SLC27A6: variants seen among roughly 807,000 people sequenced by gnomAD.
SLC27A6 encodes long-chain fatty acid transport protein 6.
In SLC27A6, 74 loss-of-function variants were observed where a neutral mutation model predicts 63.9. The observed-to-expected ratio is 1.16, with a 90% CI of 0.96 to 1.40. The LOEUF is 1.40. Among genes scored for constraint, SLC27A6 ranks in the 40% most tolerant of loss-of-function variants. SLC27A6 has a pLI of 0.00. For synonymous variants in SLC27A6, 287 were observed against 260.8 expected, an observed-to-expected ratio of 1.10 and a Z score of -0.97; for missense variants, 794 against 732.9, an observed-to-expected ratio of 1.08 and a Z score of -0.96.
chr5:128,988,821 T>C, intron 3 of SLC27A6, 63 bp downstream of exon 3: 1 of 1,324,864 alleles, frequency 7.5e-7, no homozygotes, highest in South Asian at 1.4e-5. Context: ...CAAGTATTTA[T>C]TAACATTTGA....
At chr5:128,999,476 G>C (rs1308971586) in intron 4 of SLC27A6, among the ~76,000 whole-genome samples, 1 of 152,032 alleles carries the variant, frequency 6.6e-6, no homozygotes, top group Non-Finnish European at 1.5e-5. Context: ...GCTCCTGGTT[G>C]CAAATACCGT....
In SLC27A6 at chr5:128,965,892, T is replaced by C. The variant is rs1749865570; in HGVS notation, c.-246T>C. On this transcript the variant is annotated 5_prime_UTR_variant, in exon 1 of 10. Transcript: ENST00000262462. ...CTCGCAGGAGTCGGAGGCTCCCTGC[T>C]TTCCAGCCGCCCAGTGACCCAAGCT... 5.1e-6 allele frequency: 2 copies of C among 389,306 alleles called. No homozygotes were observed. The allele number at this position is 389,306 out of a possible 1,614,324, so 24.1% of individuals were successfully genotyped here. A position where few individuals can be genotyped will look rare whatever the true frequency, so the allele number is the denominator to read the frequency against.
intron 6 of SLC27A6, among the ~76,000 whole-genome samples, chr5:129,025,046 C>A (rs1414324352): frequency 6.6e-6 from 1 of 152,138 alleles, no homozygotes; most frequent in Non-Finnish European, 1.5e-5. Context: ...TTCTACTGTT[C>A]TATTTCTTAC....
In SLC27A6 at chr5:128,966,058, C is replaced by G. The variant is rs1195333669; in HGVS notation, c.-80C>G. 5.4e-6 allele frequency: 8 copies of G among 1,488,852 alleles called. No individual in the cohort carries two copies. The highest frequency in any genetic ancestry group is 7.2e-6 in the Non-Finnish European group (8 of 1,118,174). The allele number at this position is 1,488,852 out of a possible 1,614,324, so 92.2% of individuals were successfully genotyped here. A position where few individuals can be genotyped will look rare whatever the true frequency, so the allele number is the denominator to read the frequency against. On this transcript the variant is annotated 5_prime_UTR_variant, in exon 1 of 10. Coordinates refer to ENST00000262462, the MANE Select transcript of SLC27A6 (RefSeq NM_001017372.3). ...GCCCTGAGTAGTGAGGATCTGCGGTCTCCGTGGAGAGCTGTGCCTGGAAGA... is the reference window on the plus strand; with the variant it reads ...GCCCTGAGTAGTGAGGATCTGCGGTGTCCGTGGAGAGCTGTGCCTGGAAGA...
At chr5:129,022,854 T>C (rs1752120609) in intron 5 of SLC27A6, among the ~76,000 whole-genome samples, 1 of 151,918 alleles carries the variant, frequency 6.6e-6, no homozygotes. Context: ...TAGGAGGAGG[T>C]TGGACTAAAC....
chr5:128,975,906 C>G (rs1294893020), intron 1 of SLC27A6, among the ~76,000 whole-genome samples: 1 of 151,952 alleles, frequency 6.6e-6, no homozygotes, highest in East Asian at 1.9e-4. Flanking sequence ...AAGAAGAAAC[C>G]ACGCATTATC....
chr5:128,966,660 C>G, intron 1 of SLC27A6, 42 bp downstream of exon 1: 2 of 1,421,148 alleles, frequency 1.4e-6, no homozygotes, highest in Non-Finnish European at 1.8e-6. Flanking sequence ...AATGGCAGCC[C>G]ACCTGCTTTC....
chr5:128,994,931 C>T (rs1301128043), intron 4 of SLC27A6, among the ~76,000 whole-genome samples: 1 of 152,144 alleles, frequency 6.6e-6, no homozygotes, highest in African/African-American at 2.4e-5. Context: ...TTGGCATAAA[C>T]GTTAGATGTA....
chr5:129,009,154 C>G (rs1044983819), intron 4 of SLC27A6, among the ~76,000 whole-genome samples: 1 of 152,056 alleles, frequency 6.6e-6, no homozygotes, highest in Non-Finnish European at 1.5e-5. Context: ...GCCACCATGC[C>G]CAGCCTCAAT....
intron 5 of SLC27A6, among the ~76,000 whole-genome samples, chr5:129,017,750 G>A (rs1751951720): frequency 6.6e-6 from 1 of 152,074 alleles, no homozygotes; most frequent in African/African-American, 2.4e-5. Context: ...GAAATTATTA[G>A]ATGAATTGGA....
At chr5:129,032,139 A>G (rs150310650) in intron 9 of SLC27A6, among the ~76,000 whole-genome samples, 456 of 152,148 alleles carry the variant, frequency 3.0e-3, no homozygotes, top group African/African-American at 0.01. Flanking sequence ...GACTCATGGC[A>G]TCTTTAATGT....
At chr5:129,014,283 A>G (rs1343208254) in intron 4 of SLC27A6, among the ~76,000 whole-genome samples, 1 of 152,188 alleles carries the variant, frequency 6.6e-6, no homozygotes, top group Non-Finnish European at 1.5e-5. Context: ...CGTAGCCTCT[A>G]GGTGTGTCTG....
In SLC27A6 at chr5:129,003,812, T is replaced by TA. The variant is rs574915832; in HGVS notation, c.970-12067dup. On this transcript the variant is annotated intron_variant, in intron 4 of 9. Coordinates refer to ENST00000262462, the MANE Select transcript of SLC27A6 (RefSeq NM_001017372.3). ...TAGTGAGACCTCATCTCTACAAAAG[T>TA]AAAAAATTAGCTAGGTGTGGTGGTG... 1.7e-4 allele frequency among the ~76,000 whole-genome samples: 26 copies of TA among 151,232 alleles called. No individual in the cohort carries two copies. In the East Asian group the frequency reaches 4.3e-3, roughly 25 times the overall value.
chr5:128,966,584 CG>C lies in SLC27A6; in HGVS notation c.448del (p.Ala150ProfsTer7). ...CCAACTCCCTCCTGAATTGCATCCG[CG>C]CCTGTGGGCCCAGAGCCCTAGTGGT... ...RSNSLLNCIR[A>X]CGPRALVVGA... On this transcript the variant is annotated frameshift_variant, in exon 1 of 10. Transcript: ENST00000262462. LOFTEE classifies it high-confidence loss of function. 1 of 1,544,668 alleles carries C rather than the reference CG, an allele frequency of 6.5e-7. No homozygotes were observed. The highest frequency in any genetic ancestry group is 1.3e-5 in the South Asian group (1 of 78,486).
chr5:129,012,509 A>G (rs1751758502), intron 4 of SLC27A6, among the ~76,000 whole-genome samples: 1 of 152,082 alleles, frequency 6.6e-6, no homozygotes, highest in Admixed American at 6.6e-5. Flanking sequence ...TTAAACTTCC[A>G]TGTTCTTATG....
chr5:129,026,934 T>C (rs942970089), intron 6 of SLC27A6, among the ~76,000 whole-genome samples, 199 bp from the exon 7 acceptor site: 19 of 152,134 alleles, frequency 1.2e-4, no homozygotes, highest in African/African-American at 4.6e-4. Context: ...CCAAAGTAAT[T>C]TGTATTTGTG....
At chr5:128,993,510 GT>G (rs1751046350) in intron 4 of SLC27A6, among the ~76,000 whole-genome samples, 1 of 152,124 alleles carries the variant, frequency 6.6e-6, no homozygotes, top group Non-Finnish European at 1.5e-5. Flanking sequence ...AGGTGGGACA[GT>G]TTTCCAGCTG....
At chr5:129,015,785 A>T in intron 4 of SLC27A6, 100 bp from the exon 5 acceptor site, 1 of 792,638 alleles carries the variant, frequency 1.3e-6, no homozygotes, top group East Asian at 2.8e-5. Context: ...CTGTTATTGC[A>T]CATATGCAGT....
chr5:129,016,405 A>AT (rs1751896926), intron 5 of SLC27A6, among the ~76,000 whole-genome samples: 1 of 150,570 alleles, frequency 6.6e-6, no homozygotes, highest in Non-Finnish European at 1.5e-5. Flanking sequence ...CAAAAAAAAA[A>AT]AAAAAAAAAA....
Sources: allele counts gnomAD v4.1 joint callset (sites outside exome capture counted in the v4.1 genomes callset), GRCh38; gene constraint gnomAD v4.1.1; transcripts MANE v1.5; gene names NCBI Gene and HGNC (gene_info 2026-07-23, HGNC 2026-07-21).